Variants in TRAPPC9 observed in about 807,000 individuals in gnomAD.
TRAPPC9 encodes the protein trafficking protein particle complex subunit 9, also known as IKK2 binding protein.
A neutral mutation model predicts 124.0 loss-of-function variants in TRAPPC9; 83 were observed. The ratio of observed to expected loss-of-function variants is 0.67; its 90% CI spans 0.56 to 0.80. The LOEUF (loss-of-function observed/expected upper bound fraction) is 0.80, where lower values mean the gene tolerates loss of function less well. TRAPPC9 is among the 30% of genes least tolerant of loss of function. The pLI is 0.00. For synonymous variants in TRAPPC9, 638 were observed against 617.5 expected (o/e 1.03, Z -0.49); for missense variants, 1,302 against 1,508.3 (o/e 0.86, Z 2.27).
At chr8:140,331,862 A>C (rs997239571) in intron 9 of TRAPPC9, among the ~76,000 whole-genome samples, 2 of 152,178 alleles carry the variant, frequency 1.3e-5, no homozygotes, top group Non-Finnish European at 2.9e-5. Context: ...GGGAACTCTT[A>C]GGTGCTGTTG....
At chr8:139,909,095 T>C (rs11986292) in intron 20 of TRAPPC9, among the ~76,000 whole-genome samples, 37,341 of 152,014 alleles carry the variant, frequency 0.25, 5,259 homozygotes, top group African/African-American at 0.41. Context: ...CTATGCTGTG[T>C]AGAGCGAGGA....
chr8:140,189,795 A>G (rs2062442575), intron 17 of TRAPPC9, among the ~76,000 whole-genome samples: 1 of 152,164 alleles, frequency 6.6e-6, no homozygotes. Flanking sequence ...TGCAGCTCTT[A>G]GCACAAGCCA....
chr8:139,766,146 C>T (rs1040717845), intron 21 of TRAPPC9, among the ~76,000 whole-genome samples: 4 of 152,230 alleles, frequency 2.6e-5, no homozygotes, highest in East Asian at 1.9e-4. Flanking sequence ...AACACTAGGG[C>T]GCAGAGATGG....
intron 5 of TRAPPC9, 124 bp downstream of exon 5, chr8:140,426,490 TA>T: frequency 6.8e-6 from 7 of 1,024,094 alleles, no homozygotes; most frequent in African/African-American, 1.6e-5. Flanking sequence ...AGTTCTGATT[TA>T]AAGTTACTTA....
chr8:139,799,225 T>A (rs990209801), intron 21 of TRAPPC9, among the ~76,000 whole-genome samples: 1 of 152,114 alleles, frequency 6.6e-6, no homozygotes, highest in Non-Finnish European at 1.5e-5. Context: ...ATTTTTTTTT[T>A]CTAATAGCAG....
At chr8:139,932,697 G>A (rs781595694) in intron 19 of TRAPPC9, 65 of 372,684 alleles carry the variant, frequency 1.7e-4, no homozygotes, top group Non-Finnish European at 3.2e-4. Context: ...CCCAGAGGTG[G>A]AGGTTGCAGT....
chr8:139,749,282 G>A (rs777847238), intron 21 of TRAPPC9, among the ~76,000 whole-genome samples: 13 of 152,200 alleles, frequency 8.5e-5, no homozygotes, highest in Non-Finnish European at 1.6e-4. Flanking sequence ...GGAATCTGCT[G>A]CTGAGGGACT....
intron 11 of TRAPPC9, among the ~76,000 whole-genome samples, chr8:140,293,194 T>A (rs981279590): frequency 1.3e-5 from 2 of 148,622 alleles, no homozygotes; most frequent in African/African-American, 2.6e-5. Flanking sequence ...AGAATGGCGA[T>A]CATTAAAAAG....
intron 17 of TRAPPC9, among the ~76,000 whole-genome samples, chr8:140,119,415 A>G (rs2060946381): frequency 1.3e-5 from 2 of 152,176 alleles, no homozygotes; most frequent in African/African-American, 4.8e-5. Context: ...CCACGCCGCC[A>G]GCACCACTGA....
chr8:140,442,656 G>A (rs1215369432), intron 2 of TRAPPC9, among the ~76,000 whole-genome samples: 1 of 151,322 alleles, frequency 6.6e-6, no homozygotes, highest in Non-Finnish European at 1.5e-5. Flanking sequence ...CTATTTATAT[G>A]GCTTATGGAA....
intron 16 of TRAPPC9, among the ~76,000 whole-genome samples, chr8:140,233,008 C>T (rs911620820): frequency 6.6e-6 from 1 of 152,186 alleles, no homozygotes; most frequent in African/African-American, 2.4e-5. Context: ...TACCAAAGCA[C>T]TGCGCATCCC....
chr8:140,429,661 C>A (rs1252236329), intron 4 of TRAPPC9, among the ~76,000 whole-genome samples: 2 of 151,840 alleles, frequency 1.3e-5, no homozygotes, highest in Non-Finnish European at 2.9e-5. Context: ...CGAAAATTAG[C>A]TGGTCATGGT....
rs1366375558 is a variant in TRAPPC9, at chr8:140,104,788, T to A, written c.2557-80709A>T. Among the ~76,000 whole-genome samples, 2 of 152,212 alleles carry A rather than the reference T, an allele frequency of 1.3e-5. No homozygotes were observed. The highest frequency in any genetic ancestry group is 1.3e-4 in the Admixed American group (2 of 15,278). The stretch of plus-strand genomic sequence containing the variant: ...ACACCGACAAGGTACTTCTTAAACA[T>A]CCTTCTTGTGATTAGGACATTTCCC... On this transcript the variant is annotated intron_variant, in intron 17 of 22. Transcript: ENST00000438773. This position sits in a 1 kb window ranked among gnomAD's most constrained non-coding sequence, Gnocchi z 4.0.
chr8:140,458,426 G>A (rs761161998), upstream of TRAPPC9: 1 of 1,586,394 alleles, frequency 6.3e-7, no homozygotes, highest in South Asian at 1.1e-5. Flanking sequence ...TGCCCCCCAC[G>A]TGGGTGGGTG....
chr8:140,216,287 C>A lies in TRAPPC9; in HGVS notation c.2556+5172G>T, dbSNP rs187313332. 6.3e-4 allele frequency among the ~76,000 whole-genome samples: 96 copies of A among 152,214 alleles called. No individual in the cohort carries two copies. Among genetic ancestry groups the A allele is most frequent in the African/African-American group, 2.2e-3 (93 of 41,540 alleles). ...TAATCATTACATTTAAATACATGTA[C>A]GAACATTCATCTCTATCTATATACA... On this transcript the variant is annotated intron_variant, in intron 17 of 22. Coordinates refer to ENST00000438773, the MANE Select transcript of TRAPPC9 (RefSeq NM_001160372.4). This position sits in a 1 kb window ranked among gnomAD's most constrained non-coding sequence, Gnocchi z 4.1.
chr8:140,297,376 A>C (rs1444980137), intron 11 of TRAPPC9, among the ~76,000 whole-genome samples: 3 of 151,868 alleles, frequency 2.0e-5, no homozygotes, highest in Non-Finnish European at 4.4e-5. Flanking sequence ...GCATACACAC[A>C]ATATACACAT....
At chr8:139,841,112 C>T (rs1826699992) in intron 21 of TRAPPC9, among the ~76,000 whole-genome samples, 1 of 152,194 alleles carries the variant, frequency 6.6e-6, no homozygotes, top group African/African-American at 2.4e-5. Flanking sequence ...GAAACATCTA[C>T]CCCTCGCTTG....
At chr8:140,120,634 A>ACATC (rs372956034) in intron 17 of TRAPPC9, among the ~76,000 whole-genome samples, 4 of 149,928 alleles carry the variant, frequency 2.7e-5, no homozygotes, top group South Asian at 2.1e-4. Context: ...CCAACATCCA[A>ACATC]CATCCATCCA....
intron 19 of TRAPPC9, among the ~76,000 whole-genome samples, chr8:139,915,119 C>T (rs1832032956): frequency 6.6e-6 from 1 of 152,000 alleles, no homozygotes; most frequent in Non-Finnish European, 1.5e-5. Flanking sequence ...CGGGTGTTGG[C>T]GGGAATGGCC....
Sources: gnomAD v4.1 joint callset for allele counts (sites outside exome capture counted in the v4.1 genomes callset) on GRCh38, gnomAD v4.1.1 for gene constraint, Gnocchi (gnomAD v3.1) non-coding constraint, MANE v1.5 for transcripts, NCBI Gene and HGNC (gene_info 2026-07-23, HGNC 2026-07-21) for gene names.